The following SLC25A21 variants were observed in gnomAD, a reference collection of about 807,000 sequenced individuals.
The protein encoded by SLC25A21 is mitochondrial 2-oxodicarboxylate carrier.
SLC25A21 carries 47 observed loss-of-function variants against 43.8 expected under a neutral mutation model. That is an observed-to-expected ratio of 1.07 (90% CI 0.85 to 1.37). The LOEUF (loss-of-function observed/expected upper bound fraction) is 1.37, where lower values mean the gene tolerates loss of function less well. Ranked by LOEUF, SLC25A21 falls within the 40% of genes most tolerant of loss-of-function variation. The pLI is 0.00. For missense variants in SLC25A21, 352 were observed against 350.2 expected, an observed-to-expected ratio of 1.00 and a Z score of -0.04; for synonymous variants, 131 against 121.3, an observed-to-expected ratio of 1.08 and a Z score of -0.52.
At chr14:36,849,856 T>C (rs1889668599) in intron 2 of SLC25A21, among the ~76,000 whole-genome samples, 2 of 152,208 alleles carry the variant, frequency 1.3e-5, no homozygotes, top group Admixed American at 1.3e-4. Flanking sequence ...TAAAAATGAA[T>C]TTCTTTACTT....
In SLC25A21 at chr14:36,725,672, G is replaced by A. The variant is rs769746079; in HGVS notation, c.336C>T (p.Phe112=). ...GTCCAGATCCCAATCCAGCAATGGC[G>A]AATGTCTAGAAAAATTAAATCAATC... ...GYVSLSPALT[F]AIAGLGSGLT... The change falls in exon 6 of 10, where the codon TTC becomes TTT. Residue 112 remains phenylalanine (F), a synonymous_variant. Transcript: ENST00000331299. 2.3e-5 allele frequency: 36 copies of A among 1,591,696 alleles called. No homozygotes were observed. The highest frequency in any genetic ancestry group is 1.0e-4 in the Admixed American group (6 of 57,452).
intron 1 of SLC25A21, among the ~76,000 whole-genome samples, chr14:36,896,974 T>G (rs1169819253): frequency 1.3e-5 from 2 of 152,184 alleles, no homozygotes; most frequent in African/African-American, 2.4e-5. Context: ...CCTTAACATT[T>G]TTTACTTCAT....
intron 2 of SLC25A21, among the ~76,000 whole-genome samples, chr14:36,868,859 AG>A (rs1890287413): frequency 6.6e-6 from 1 of 152,198 alleles, no homozygotes; most frequent in Admixed American, 6.5e-5. Context: ...TTCTGAAGGT[AG>A]GGAGAGAAGG....
At chr14:36,840,714 C>T (rs1204378920) in intron 2 of SLC25A21, among the ~76,000 whole-genome samples, 3 of 152,198 alleles carry the variant, frequency 2.0e-5, no homozygotes, top group African/African-American at 4.8e-5. Context: ...TCATGTAACA[C>T]ACAAGCTTCT....
chr14:36,698,621 CT>C (rs1489559384), intron 7 of SLC25A21, among the ~76,000 whole-genome samples: 1 of 152,086 alleles, frequency 6.6e-6, no homozygotes, highest in African/African-American at 2.4e-5. Flanking sequence ...TCTTTTTACT[CT>C]TTTTTTCTCT....
chr14:36,744,155 C>T (rs746165893), intron 3 of SLC25A21, among the ~76,000 whole-genome samples: 17 of 152,182 alleles, frequency 1.1e-4, no homozygotes, highest in Middle Eastern at 6.8e-3. Context: ...ATCAAATTAC[C>T]AATATCATTC....
At chr14:36,978,477 C>A (rs1959933989) in intron 1 of SLC25A21, among the ~76,000 whole-genome samples, 1 of 152,150 alleles carries the variant, frequency 6.6e-6, no homozygotes, top group Non-Finnish European at 1.5e-5. Context: ...CACTGATAGA[C>A]ATGCTGGACA....
intron 1 of SLC25A21, among the ~76,000 whole-genome samples, chr14:36,909,063 A>T (rs1193653336): frequency 6.6e-6 from 1 of 152,064 alleles, no homozygotes; most frequent in Non-Finnish European, 1.5e-5. Flanking sequence ...GACTTAAGGG[A>T]CATTTTAGAG....
intron 1 of SLC25A21, among the ~76,000 whole-genome samples, chr14:37,055,696 C>T (rs1400966494): frequency 1.3e-5 from 2 of 152,124 alleles, no homozygotes; most frequent in Admixed American, 1.3e-4. Flanking sequence ...CACCAAGGCC[C>T]CAGACATGTG....
intron 3 of SLC25A21, among the ~76,000 whole-genome samples, chr14:36,801,600 T>G (rs1293617767): frequency 6.6e-6 from 1 of 152,202 alleles, no homozygotes; most frequent in Non-Finnish European, 1.5e-5. Context: ...TTTTGTGTAT[T>G]TTGCCTATTG....
intron 1 of SLC25A21, among the ~76,000 whole-genome samples, chr14:37,031,026 T>C (rs1196054711): frequency 6.6e-6 from 1 of 152,202 alleles, no homozygotes; most frequent in Non-Finnish European, 1.5e-5. Context: ...AGATTGGCAA[T>C]CTTTAAGCCA....
intron 2 of SLC25A21, among the ~76,000 whole-genome samples, chr14:36,843,104 T>C (rs1889436741): frequency 6.6e-6 from 1 of 152,164 alleles, no homozygotes; most frequent in Non-Finnish European, 1.5e-5. Context: ...CAGGTGGTAA[T>C]GCTCATTCAC....
At chr14:37,066,696 A>T (rs920442645) in intron 1 of SLC25A21, among the ~76,000 whole-genome samples, 1 of 152,168 alleles carries the variant, frequency 6.6e-6, no homozygotes, top group Admixed American at 6.5e-5. Context: ...TAAAAAGTAT[A>T]TGTGTGTATA....
chr14:36,747,260 T>C (rs562427798), intron 3 of SLC25A21, among the ~76,000 whole-genome samples: 1 of 152,262 alleles, frequency 6.6e-6, no homozygotes, highest in African/African-American at 2.4e-5. Context: ...GTAAAGGCAA[T>C]ATGAGTGTGG....
chr14:37,126,106 G>A (rs191520012), intron 1 of SLC25A21, among the ~76,000 whole-genome samples: 150 of 152,212 alleles, frequency 9.9e-4, no homozygotes, highest in African/African-American at 3.2e-3. Context: ...TCAGGACACC[G>A]CTGCACTGTG....
At chr14:36,839,952 A>G (rs1889331004) in intron 2 of SLC25A21, among the ~76,000 whole-genome samples, 1 of 152,246 alleles carries the variant, frequency 6.6e-6, no homozygotes, top group Non-Finnish European at 1.5e-5. Flanking sequence ...CCATTGTATA[A>G]GTGGTTAGTC....
At chr14:36,726,443 A>AT (rs1365458637) in intron 5 of SLC25A21, among the ~76,000 whole-genome samples, 1 of 143,806 alleles carries the variant, frequency 7.0e-6, no homozygotes, top group Non-Finnish European at 1.5e-5. Flanking sequence ...AAATAAAATA[A>AT]AAAAAAAAAG....
chr14:37,057,402 T>A (rs951643099), intron 1 of SLC25A21, among the ~76,000 whole-genome samples: 15 of 152,200 alleles, frequency 9.9e-5, no homozygotes, highest in Admixed American at 9.8e-4. Flanking sequence ...TTTAGCAAGT[T>A]GAGCTACAAA....
intron 1 of SLC25A21, among the ~76,000 whole-genome samples, chr14:36,937,411 G>A (rs1051718876): frequency 1.3e-5 from 2 of 152,218 alleles, no homozygotes; most frequent in Admixed American, 6.5e-5. Flanking sequence ...TCAAACGTCA[G>A]TGACTGGAAC....
Sources: gnomAD v4.1 joint callset for allele counts (sites outside exome capture counted in the v4.1 genomes callset) on GRCh38, gnomAD v4.1.1 for gene constraint, MANE v1.5 for transcripts, NCBI Gene and HGNC (gene_info 2026-07-23, HGNC 2026-07-21) for gene names.